NCKAP5: variants seen among roughly 807,000 people sequenced by gnomAD.
The protein encoded by NCKAP5 is nck-associated protein 5.
A neutral mutation model predicts 167.0 loss-of-function variants in NCKAP5; 92 were observed. The observed-to-expected ratio is 0.55, with a 90% confidence interval of 0.47 to 0.66. The LOEUF (loss-of-function observed/expected upper bound fraction) is 0.66. Among genes scored for constraint, NCKAP5 ranks in the 30% least tolerant of loss-of-function variants. The probability of loss-of-function intolerance (pLI) is 0.00; values close to 1 mark genes in which losing one functional copy is unlikely to be tolerated. For missense variants in NCKAP5, 2,378 were observed against 2,315.0 expected (o/e 1.03, Z -0.56); for synonymous variants, 891 against 877.4 (o/e 1.02, Z -0.27).
At chr2:133,575,686 G>A in the NCKAP5 span, among the ~76,000 whole-genome samples, 1 of 152,256 alleles carries the variant, frequency 6.6e-6, no homozygotes, top group African/African-American at 2.4e-5. Context: ...CAGCTCAGAG[G>A]GTGATGTCCC....
At chr2:133,321,823 C>G (rs1364747864) in intron 3 of NCKAP5, among the ~76,000 whole-genome samples, 2 of 152,118 alleles carry the variant, frequency 1.3e-5, no homozygotes, top group African/African-American at 4.8e-5. Flanking sequence ...CCTCATTATC[C>G]CACTTAAGCT....
rs112835104 is a variant in NCKAP5, at chr2:133,350,846, G to A, written c.70-47736C>T. Among the ~76,000 whole-genome samples the A allele has an allele frequency of 6.8e-4, 103 of 151,988 alleles. 1 individual carries two copies. The highest frequency in any genetic ancestry group is 2.2e-3 in the African/African-American group (90 of 41,466). On this transcript the variant is annotated intron_variant, in intron 3 of 19. Coordinates refer to ENST00000409261, the MANE Select transcript of NCKAP5 (RefSeq NM_207363.3). The stretch of plus-strand genomic sequence containing the variant: ...GACCTTTGCACATGTTGTTGTCTCC[G>A]CTTGGAGTGAATACTATTTCTTCCC...
At chr2:133,203,571 T>C (rs2085804395) in intron 5 of NCKAP5, among the ~76,000 whole-genome samples, 2 of 152,240 alleles carry the variant, frequency 1.3e-5, no homozygotes, top group South Asian at 4.1e-4. Context: ...TCTTCTAAAA[T>C]TCTTGCCTTA....
intron 11 of NCKAP5, among the ~76,000 whole-genome samples, chr2:132,844,670 C>T (rs11898953): frequency 0.079 from 12,002 of 152,168 alleles, 949 homozygotes; most frequent in African/African-American, 0.19. Context: ...CTGGATAGCA[C>T]GGATACAGCA....
chr2:133,349,092 C>T (rs1684174307), intron 3 of NCKAP5, among the ~76,000 whole-genome samples: 1 of 152,138 alleles, frequency 6.6e-6, no homozygotes, highest in African/African-American at 2.4e-5. Flanking sequence ...AATGCTGTGT[C>T]AAATCTTTTC....
chr2:133,571,852 C>T (rs550162742), upstream of NCKAP5, among the ~76,000 whole-genome samples: 29 of 152,200 alleles, frequency 1.9e-4, no homozygotes, highest in Admixed American at 1.4e-3. Context: ...TTCTATGTGC[C>T]ATTGGCTTTC....
At chr2:132,904,026 C>T (rs1436020307) in intron 8 of NCKAP5, among the ~76,000 whole-genome samples, 4 of 152,142 alleles carry the variant, frequency 2.6e-5, no homozygotes, top group African/African-American at 4.8e-5. Flanking sequence ...CGGTGGCTCA[C>T]GCCTGTAATC....
intron 5 of NCKAP5, among the ~76,000 whole-genome samples, chr2:133,138,774 C>T (rs187367403): frequency 2.0e-5 from 3 of 152,322 alleles, no homozygotes; most frequent in South Asian, 2.1e-4. Flanking sequence ...ATTTCCAGTT[C>T]TACGCCTAAC....
chr2:132,803,457 A>G (rs184395139), intron 11 of NCKAP5, among the ~76,000 whole-genome samples: 3 of 152,344 alleles, frequency 2.0e-5, no homozygotes, highest in African/African-American at 7.2e-5. Context: ...CTTTTGAAAC[A>G]ATTATTCCAC....
intron 3 of NCKAP5, among the ~76,000 whole-genome samples, chr2:133,515,587 G>T (rs547472671): frequency 4.6e-5 from 7 of 152,162 alleles, no homozygotes; most frequent in Non-Finnish European, 1.0e-4. Flanking sequence ...AAACATATTT[G>T]CAGCCCTCAA....
chr2:133,571,804 TCCC>T (rs958021789), upstream of NCKAP5, among the ~76,000 whole-genome samples: 1 of 151,980 alleles, frequency 6.6e-6, no homozygotes, highest in Non-Finnish European at 1.5e-5. Flanking sequence ...AGTCTGCCAC[TCCC>T]CCATTCTCAT....
intron 3 of NCKAP5, among the ~76,000 whole-genome samples, chr2:133,465,048 T>C (rs1350796677): frequency 1.3e-5 from 2 of 151,996 alleles, no homozygotes; most frequent in Admixed American, 6.5e-5. Context: ...AGGGTACATG[T>C]GCACATTGTG....
At chr2:132,924,228 A>AT (rs139215806) in intron 8 of NCKAP5, among the ~76,000 whole-genome samples, 34 of 151,668 alleles carry the variant, frequency 2.2e-4, no homozygotes, top group South Asian at 6.3e-4. Context: ...GAAAAAGATG[A>AT]TTTTTTTTTC....
chr2:133,450,149 G>A (rs1374423500), intron 3 of NCKAP5, among the ~76,000 whole-genome samples: 3 of 143,698 alleles, frequency 2.1e-5, no homozygotes, highest in South Asian at 2.1e-4. Flanking sequence ...GTGCGTGCGT[G>A]CACACACACA....
At chr2:132,811,640 G>A (rs997086027) in intron 11 of NCKAP5, among the ~76,000 whole-genome samples, 1 of 151,956 alleles carries the variant, frequency 6.6e-6, no homozygotes, top group Non-Finnish European at 1.5e-5. Context: ...ACAGCCCTGA[G>A]TCTGTTTCCA....
At chr2:133,599,731 C>T in the NCKAP5 span, among the ~76,000 whole-genome samples, 1 of 152,196 alleles carries the variant, frequency 6.6e-6, no homozygotes, top group Admixed American at 6.5e-5. Flanking sequence ...CACACCGAAG[C>T]CCTTCTTGCC....
At chr2:132,976,420 C>CGGGCA (rs2076978002) in intron 7 of NCKAP5, among the ~76,000 whole-genome samples, 2 of 151,882 alleles carry the variant, frequency 1.3e-5, no homozygotes, top group South Asian at 4.2e-4. Flanking sequence ...GAAAATTAGC[C>CGGGCA]GGGCATGGTG....
At chr2:133,616,410 C>G in the NCKAP5 span, among the ~76,000 whole-genome samples, 65 of 151,748 alleles carry the variant, frequency 4.3e-4, no homozygotes, top group Non-Finnish European at 7.8e-4. Context: ...GCTAGCAAGA[C>G]TAATAAAGAA....
chr2:133,379,348 A>G (rs561959653), intron 3 of NCKAP5, among the ~76,000 whole-genome samples: 1 of 152,264 alleles, frequency 6.6e-6, no homozygotes, highest in South Asian at 2.1e-4. Context: ...CGGAGAGACA[A>G]TCATTTTCTG....
Sources: gnomAD v4.1 joint callset for allele counts (sites outside exome capture counted in the v4.1 genomes callset) on GRCh38, gnomAD v4.1.1 for gene constraint, MANE v1.5 for transcripts, NCBI Gene and HGNC (gene_info 2026-07-23, HGNC 2026-07-21) for gene names.